LRRC37A2: variants seen among roughly 807,000 people sequenced by gnomAD.
The protein encoded by LRRC37A2 is leucine-rich repeat-containing protein 37A2.
LRRC37A2 carries 9 observed loss-of-function variants against 68.8 expected under a neutral mutation model. That is an observed-to-expected ratio of 0.13 (90% CI 0.08 to 0.23). The LOEUF (loss-of-function observed/expected upper bound fraction) is 0.23. LRRC37A2 is among the 10% of genes least tolerant of loss of function. The pLI is 1.00. For missense variants in LRRC37A2, 168 were observed against 950.4 expected, an observed-to-expected ratio of 0.18 and a Z score of 10.82; for synonymous variants, 63 against 367.6, an observed-to-expected ratio of 0.17 and a Z score of 9.48.
the LRRC37A2 span, among the ~76,000 whole-genome samples, chr17:47,001,491 G>T: frequency 1.3e-5 from 2 of 152,066 alleles, no homozygotes; most frequent in Non-Finnish European, 2.9e-5. Context: ...ATTTTAGGCA[G>T]ATTTATTGAG....
chr17:46,975,960 A>T, the LRRC37A2 span, among the ~76,000 whole-genome samples: 1 of 151,980 alleles, frequency 6.6e-6, no homozygotes, highest in African/African-American at 2.4e-5. Flanking sequence ...GGAGTCTAGC[A>T]CTGTCGCCCA....
At chr17:46,834,942 A>C in the LRRC37A2 span, among the ~76,000 whole-genome samples, 3 of 152,168 alleles carry the variant, frequency 2.0e-5, no homozygotes, top group African/African-American at 7.2e-5. Flanking sequence ...CCCAGGCAGC[A>C]TCAAACTCCC....
At chr17:46,875,333 G>A in the LRRC37A2 span, 3 of 1,611,996 alleles carry the variant, frequency 1.9e-6, no homozygotes, top group Non-Finnish European at 2.5e-6. Flanking sequence ...TGCGGGCACG[G>A]GCAGACGCCC....
chr17:46,730,861 A>G, the LRRC37A2 span, among the ~76,000 whole-genome samples: 2 of 152,184 alleles, frequency 1.3e-5, no homozygotes, highest in African/African-American at 4.8e-5. Flanking sequence ...ATAGTGAGAT[A>G]CCACTCATTG....
At chr17:46,991,022 A>C in the LRRC37A2 span, among the ~76,000 whole-genome samples, 70,775 of 152,004 alleles carry the variant, frequency 0.47, 17,155 homozygotes, top group Non-Finnish European at 0.54. Context: ...TTCCACTTCC[A>C]GGAATTTATC....
Position 46,534,706 on chromosome 17 carries a change from T to C in LRRC37A2, c.2907-5470T>C, listed in dbSNP as rs1227833645. On this transcript the variant is annotated intron_variant, in intron 6 of 14. Coordinates refer to ENST00000576629, the Ensembl canonical transcript of LRRC37A2. ...ATCATGGCCCGTTCTCAATGAGCTGTTGGGTACACCTCCCAGACGGGGTGG... is the reference window on the plus strand; with the variant it reads ...ATCATGGCCCGTTCTCAATGAGCTGCTGGGTACACCTCCCAGACGGGGTGG... Among the ~76,000 whole-genome samples the C allele has an allele frequency of 2.3e-4, 35 of 150,106 alleles. No homozygotes were observed. In the South Asian group the frequency reaches 6.5e-3, roughly 28 times the overall value.
the LRRC37A2 span, among the ~76,000 whole-genome samples, chr17:46,942,305 C>T: frequency 1.3e-5 from 2 of 152,206 alleles, no homozygotes; most frequent in South Asian, 2.1e-4. Flanking sequence ...GTAGGCCTCA[C>T]GGAGGTCAGA....
the LRRC37A2 span, among the ~76,000 whole-genome samples, chr17:46,725,914 A>G: frequency 6.6e-6 from 1 of 152,190 alleles, no homozygotes; most frequent in Non-Finnish European, 1.5e-5. Flanking sequence ...TAATTCTTCT[A>G]TCTGATTTGA....
chr17:46,479,733 C>T, the LRRC37A2 span, among the ~76,000 whole-genome samples: 2 of 104,648 alleles, frequency 1.9e-5, no homozygotes, highest in African/African-American at 6.8e-5. Context: ...GGTCTCAAAC[C>T]CCTGACCTCG....
At chr17:46,962,703 A>G in the LRRC37A2 span, among the ~76,000 whole-genome samples, 2 of 152,162 alleles carry the variant, frequency 1.3e-5, no homozygotes, top group Non-Finnish European at 2.9e-5. Flanking sequence ...GGTGCCAGAC[A>G]CTCTAGCCAG....
chr17:46,987,835 C>A, the LRRC37A2 span, among the ~76,000 whole-genome samples: 1 of 152,174 alleles, frequency 6.6e-6, no homozygotes, highest in East Asian at 1.9e-4. Flanking sequence ...AACCTTATAG[C>A]ATATACTTAC....
the LRRC37A2 span, among the ~76,000 whole-genome samples, chr17:46,599,583 T>C: frequency 1.0e-5 from 1 of 97,140 alleles, no homozygotes; most frequent in Non-Finnish European, 1.9e-5. Context: ...TTTTTAAAAA[T>C]AGAACATTAC....
the LRRC37A2 span, among the ~76,000 whole-genome samples, chr17:46,720,117 C>A: frequency 6.6e-6 from 1 of 152,192 alleles, no homozygotes; most frequent in Non-Finnish European, 1.5e-5. Flanking sequence ...GAAATTGGAT[C>A]TTTTGACAGC....
chr17:46,779,053 TCACACACACACACACACACACACACA>T, the LRRC37A2 span, among the ~76,000 whole-genome samples: 15 of 100,668 alleles, frequency 1.5e-4, no homozygotes, highest in African/African-American at 5.8e-4. Flanking sequence ...CCCTACCCCA[TCACACACACACACACACACACACACA>T]CACACACACA....
At chr17:46,821,974 C>G in the LRRC37A2 span, among the ~76,000 whole-genome samples, 1 of 152,232 alleles carries the variant, frequency 6.6e-6, no homozygotes, top group African/African-American at 2.4e-5. Context: ...AGGCACTGTG[C>G]CATTCATTTT....
chr17:46,902,541 G>A, the LRRC37A2 span, among the ~76,000 whole-genome samples: 15 of 151,574 alleles, frequency 9.9e-5, no homozygotes, highest in Non-Finnish European at 1.8e-4. Flanking sequence ...GTTTTCACTC[G>A]GCCAAGTTTT....
chr17:46,978,404 G>A, the LRRC37A2 span: 1 of 471,860 alleles, frequency 2.1e-6, no homozygotes, highest in Non-Finnish European at 3.6e-6. Flanking sequence ...AAAAAAAACT[G>A]GTAAGAACCC....
chr17:46,992,357 G>T, the LRRC37A2 span, among the ~76,000 whole-genome samples: 1 of 151,634 alleles, frequency 6.6e-6, no homozygotes, highest in South Asian at 2.1e-4. Context: ...AACAGAGCAA[G>T]ACTCCGTCTC....
the LRRC37A2 span, among the ~76,000 whole-genome samples, chr17:46,820,611 T>G: frequency 2.0e-5 from 3 of 152,128 alleles, no homozygotes; most frequent in African/African-American, 7.2e-5. Context: ...GGGCTGATTC[T>G]GGGGTGCCCT....
Sources: allele counts gnomAD v4.1 joint callset (sites outside exome capture counted in the v4.1 genomes callset), GRCh38; gene constraint gnomAD v4.1.1; transcripts MANE v1.5; gene names NCBI Gene and HGNC (gene_info 2026-07-23, HGNC 2026-07-21).